Variants in MFAP5 observed in about 807,000 individuals in gnomAD.
The protein encoded by MFAP5 is microfibrillar-associated protein 5.
MFAP5 carries 19 observed loss-of-function variants against 30.1 expected under a neutral mutation model. The ratio of observed to expected loss-of-function variants is 0.63; its 90% CI spans 0.44 to 0.93. MFAP5 has a LOEUF of 0.93. MFAP5 is among the 40% of genes least tolerant of loss of function. MFAP5 has a pLI of 0.00. For synonymous variants in MFAP5, 92 were observed against 72.9 expected (o/e 1.26, Z -1.33); for missense variants, 210 against 221.3 (o/e 0.95, Z 0.32).
intron 7 of MFAP5, 98 bp downstream of exon 7, chr12:8,651,564 A>T (rs980974891): frequency 1.8e-5 from 22 of 1,208,504 alleles, no homozygotes; most frequent in Admixed American, 1.5e-4. Flanking sequence ...ATTGGAAGTA[A>T]ACTAGAAGAT....
intron 6 of MFAP5, 51 bp from the exon 7 acceptor site, chr12:8,651,742 T>C (rs1374022066): frequency 2.6e-6 from 4 of 1,548,036 alleles, no homozygotes; most frequent in Admixed American, 1.7e-5. Context: ...AAGTTACTAC[T>C]TCTGTAACTG....
chr12:8,648,190 A>C lies in MFAP5; in HGVS notation c.423T>G (p.Arg141=). Residue 141 remains arginine, a synonymous_variant, in exon 10 of 10, where the codon CGT becomes CGG. Coordinates refer to ENST00000359478, the MANE Select transcript of MFAP5 (RefSeq NM_003480.4). ...TCCTAGGGGGCAGACCAGCCATCTG[A>C]CGGCAAAGCTCATCTAGAAGAGAAG... The part of the protein sequence containing the change: ...EHEAMKDELC[R]QMAGLPPRRL... The C allele has an allele frequency of 6.2e-7, 1 of 1,613,224 alleles. No homozygotes were observed. Among genetic ancestry groups the C allele is most frequent in the Non-Finnish European group, 8.5e-7 (1 of 1,179,300 alleles).
chr12:8,646,616 A>G lies in MFAP5; in HGVS notation c.*1475T>C, dbSNP rs148006336. The G allele has an allele frequency of 1.3e-5, 2 of 151,702 alleles. No homozygotes were observed. The highest frequency in any genetic ancestry group is 4.8e-5 in the African/African-American group (2 of 41,444). 9.4% of individuals were successfully genotyped at this position (151,702 alleles called of 1,614,324 possible). On this transcript the variant is annotated 3_prime_UTR_variant, in exon 10 of 10. Coordinates refer to ENST00000359478, the MANE Select transcript of MFAP5 (RefSeq NM_003480.4). ...ATCATAGAATTAAAGGAAATCTTAG[A>G]ACTAAGAATATATATAATATATATA...
intron 3 of MFAP5, among the ~76,000 whole-genome samples, chr12:8,656,668 ATT>A (rs1555139703): frequency 0.025 from 2,983 of 118,584 alleles, 139 homozygotes; most frequent in African/African-American, 0.076. Flanking sequence ...ATATATATAT[ATT>A]TTTTTTTTTT....
At chr12:8,655,287 A>C (rs903163719) in intron 5 of MFAP5, 128 bp downstream of exon 5, 1 of 1,004,014 alleles carries the variant, frequency 1.0e-6, no homozygotes, top group Non-Finnish European at 1.4e-6. Context: ...CTCCCTCTCA[A>C]AAACAAACAA....
In MFAP5 at chr12:8,649,527, A is replaced by G. The variant is rs1941773955; in HGVS notation, c.383T>C (p.Val128Ala). 2 of 1,614,128 alleles carry G rather than the reference A, an allele frequency of 1.2e-6. No individual in the cohort carries two copies. The highest frequency in any genetic ancestry group is 1.7e-6 in the Non-Finnish European group (2 of 1,180,016). The change falls in exon 9 of 10, where the codon GTC becomes GCC. Residue 128 changes from valine (V) to alanine (A), a missense_variant. Coordinates refer to ENST00000359478, the MANE Select transcript of MFAP5 (RefSeq NM_003480.4). The part of the protein sequence containing the change: ...IVNKEICSRL[V>A]CKEHEAMKDE... ...TTTCATAGCTTCGTGTTCCTTACAG[A>G]CAAGACGAGAGCAGATCTCCTTGTT...
At chr12:8,655,596 G>A (rs1175595097) in intron 4 of MFAP5, 149 bp from the exon 5 acceptor site, 2 of 1,008,438 alleles carry the variant, frequency 2.0e-6, no homozygotes, top group African/African-American at 1.6e-5. Context: ...ATCGCAGAAA[G>A]AAATGGAAGA....
At chr12:8,656,553 G>A (rs1380875580) in intron 3 of MFAP5, among the ~76,000 whole-genome samples, 2 of 138,520 alleles carry the variant, frequency 1.4e-5, no homozygotes, top group East Asian at 2.1e-4. Flanking sequence ...GATTACAGGC[G>A]CATACCACCA....
intron 8 of MFAP5, 122 bp from the exon 9 acceptor site, chr12:8,649,696 C>A: frequency 1.4e-6 from 1 of 705,634 alleles, no homozygotes; most frequent in South Asian, 1.7e-5. Context: ...ATCTGCTTTT[C>A]CCCAACTGTA....
chr12:8,650,207 T>G (rs1034651034), intron 8 of MFAP5, among the ~76,000 whole-genome samples: 8 of 152,200 alleles, frequency 5.3e-5, no homozygotes, highest in Non-Finnish European at 1.0e-4. Context: ...GCCATTCTCT[T>G]CAGTCTCCTT....
Position 8,662,819 on chromosome 12 carries a change from G to C in MFAP5, c.-195C>G, listed in dbSNP as rs771578409. On this transcript the variant is annotated 5_prime_UTR_variant, in exon 1 of 10. Transcript: ENST00000359478. ...AAGCCAGGCTAGGCGTAGAATGTGT[G>C]TTACAATGAGGCTGGAATGAGAAGG... is the stretch of plus-strand genomic sequence containing the variant. 4 of 152,310 alleles carry C rather than the reference G, an allele frequency of 2.6e-5. No individual in the cohort carries two copies. Among genetic ancestry groups the C allele is most frequent in the Non-Finnish European group, 5.9e-5 (4 of 68,166 alleles). The allele number at this position is 152,310 out of a possible 1,614,324, so 9.4% of individuals were successfully genotyped here.
At chr12:8,648,950 T>C (rs1028774401) in intron 9 of MFAP5, among the ~76,000 whole-genome samples, 2 of 152,226 alleles carry the variant, frequency 1.3e-5, no homozygotes, top group African/African-American at 4.8e-5. Flanking sequence ...CCATAACATC[T>C]TTCTACCTTC....
At chr12:8,650,417 T>C (rs1941801984) in intron 8 of MFAP5, 85 bp downstream of exon 8, 1 of 1,396,402 alleles carries the variant, frequency 7.2e-7, no homozygotes, top group Non-Finnish European at 1.0e-6. Flanking sequence ...AAGTTTGCAA[T>C]TCCATAGTGG....
At chr12:8,660,101 T>C (rs2136481743) in intron 3 of MFAP5, among the ~76,000 whole-genome samples, 1 of 152,218 alleles carries the variant, frequency 6.6e-6, no homozygotes, top group Non-Finnish European at 1.5e-5. Context: ...AAAAATTACC[T>C]AAAAAGCTGA....
At chr12:8,650,700 C>G (rs888799705) in intron 7 of MFAP5, 111 bp from the exon 8 acceptor site, 1 of 867,904 alleles carries the variant, frequency 1.2e-6, no homozygotes, top group African/African-American at 1.7e-5. Flanking sequence ...ACAGAGTAAT[C>G]TCTACAGAGA....
chr12:8,648,396 C>T, intron 9 of MFAP5, 193 bp from the exon 10 acceptor site: 1 of 932,646 alleles, frequency 1.1e-6, no homozygotes, highest in Non-Finnish European at 1.5e-6. Context: ...TTTTATAAAC[C>T]TCACTATCCC....
At chr12:8,653,450 C>G (rs1275383595) in intron 6 of MFAP5, among the ~76,000 whole-genome samples, 1 of 152,094 alleles carries the variant, frequency 6.6e-6, no homozygotes, top group African/African-American at 2.4e-5. Context: ...ATGCACAAAT[C>G]TAATTATAAT....
rs1225620419 is a variant in MFAP5 at position 8,647,501 on chromosome 12, T to G, written c.*590A>C. 6.6e-6 allele frequency: 1 copy of G among 152,248 alleles called. No individual in the cohort carries two copies. Among genetic ancestry groups the G allele is most frequent in the Non-Finnish European group, 1.5e-5 (1 of 68,052 alleles). The allele number at this position is 152,248 out of a possible 1,614,324, so 9.4% of individuals were successfully genotyped here. On this transcript the variant is annotated 3_prime_UTR_variant, in exon 10 of 10. Transcript: ENST00000359478. ...GGTCCTTATATATTGCTAGTAGGAT[T>G]GTATAATTCTTGACTGTGTTGCAGA...
At position 8,647,088 on chromosome 12, in the gene MFAP5, G is replaced by T. The variant is rs1000452078; in HGVS notation, c.*1003C>A. On this transcript the variant is annotated 3_prime_UTR_variant, in exon 10 of 10. Transcript: ENST00000359478. ...AATATTGTGTTTCTTTCACTCTTTCGTATTAACTATTAGGCAAACTTTCTG... is the reference window on the plus strand; with the variant it reads ...AATATTGTGTTTCTTTCACTCTTTCTTATTAACTATTAGGCAAACTTTCTG... 4 of 152,142 alleles carry T rather than the reference G, an allele frequency of 2.6e-5. No individual in the cohort carries two copies. Among genetic ancestry groups the T allele is most frequent in the Non-Finnish European group, 4.4e-5 (3 of 68,034 alleles). 9.4% of individuals were successfully genotyped at this position (152,142 alleles called of 1,614,324 possible).
Sources: gnomAD v4.1 joint callset for allele counts (sites outside exome capture counted in the v4.1 genomes callset) on GRCh38, gnomAD v4.1.1 for gene constraint, MANE v1.5 for transcripts, NCBI Gene and HGNC (gene_info 2026-07-23, HGNC 2026-07-21) for gene names.